The following PIK3AP1 variants were observed in gnomAD, a reference collection of about 807,000 sequenced individuals.
PIK3AP1 encodes the protein phosphoinositide-3-kinase adaptor protein 1.
A neutral mutation model predicts 88.1 loss-of-function variants in PIK3AP1; 21 were observed. The observed-to-expected ratio is 0.24, with a 90% CI of 0.17 to 0.34. The LOEUF is 0.34. Ranked by LOEUF, PIK3AP1 falls within the 10% of genes least tolerant of loss-of-function variation. PIK3AP1 has a pLI of 1.00. For missense variants in PIK3AP1, 828 were observed against 1,035.7 expected (o/e 0.80, Z 2.75); for synonymous variants, 398 against 400.0 (o/e 1.00, Z 0.06).
chr10:96,655,969 C>T lies in PIK3AP1; in HGVS notation c.567+829G>A, dbSNP rs181038269. On this transcript the variant is annotated intron_variant, in intron 3 of 16. Coordinates refer to ENST00000339364, the MANE Select transcript of PIK3AP1 (RefSeq NM_152309.3). ...CCCAAAGAAACAGTTGGCAACCCCA[C>T]GTAGGAAGTGCTTGCCCAATGCCTC... Among the ~76,000 whole-genome samples the T allele has an allele frequency of 4.5e-4, 69 of 152,320 alleles. No individual in the cohort carries two copies. In the East Asian group the frequency reaches 9.4e-3, roughly 21 times the overall value.
intron 2 of PIK3AP1, among the ~76,000 whole-genome samples, chr10:96,674,747 T>C (rs594000): frequency 0.011 from 1,683 of 152,370 alleles, 34 homozygotes; most frequent in African/African-American, 0.039. Flanking sequence ...GTGTGGAATC[T>C]GGAGAGAAAC....
intron 1 of PIK3AP1, among the ~76,000 whole-genome samples, chr10:96,711,739 A>AATTTTTTTTTTTTTTT (rs1844439120): frequency 4.5e-5 from 3 of 66,426 alleles, no homozygotes; most frequent in African/African-American, 2.1e-4. Context: ...AGATTACCAA[A>AATTTTTTTTTTTTTTT]TTTTTTTTTT....
At chr10:96,667,981 A>G (rs187764334) in intron 2 of PIK3AP1, among the ~76,000 whole-genome samples, 1 of 152,342 alleles carries the variant, frequency 6.6e-6, no homozygotes, top group African/African-American at 2.4e-5. Flanking sequence ...TTCTATCTAT[A>G]TCAAGAGATA....
intron 2 of PIK3AP1, 48 bp from the exon 3 acceptor site, chr10:96,656,982 T>C (rs767821086): frequency 3.1e-6 from 5 of 1,602,230 alleles, no homozygotes; most frequent in Non-Finnish European, 4.3e-6. Flanking sequence ...GAAGGAGAAC[T>C]GTGGACATGT....
At chr10:96,681,577 T>C (rs1336831965) in intron 2 of PIK3AP1, among the ~76,000 whole-genome samples, 1 of 152,208 alleles carries the variant, frequency 6.6e-6, no homozygotes, top group Non-Finnish European at 1.5e-5. Context: ...AGAAAGATCA[T>C]TCTGGAAACT....
intron 1 of PIK3AP1, among the ~76,000 whole-genome samples, chr10:96,719,628 T>C (rs1196617018): frequency 6.6e-6 from 1 of 152,160 alleles, no homozygotes; most frequent in Non-Finnish European, 1.5e-5. Context: ...TCATTAATTG[T>C]CTCCGTTATC....
intron 16 of PIK3AP1, among the ~76,000 whole-genome samples, chr10:96,600,002 C>T (rs367810124): frequency 1.6e-4 from 24 of 152,096 alleles, no homozygotes; most frequent in African/African-American, 4.6e-4. Flanking sequence ...AAAATCCCAC[C>T]GAAACCTTGT....
chr10:96,655,488 G>C (rs1462888222), intron 3 of PIK3AP1, among the ~76,000 whole-genome samples: 2 of 152,148 alleles, frequency 1.3e-5, no homozygotes, highest in Non-Finnish European at 2.9e-5. Context: ...GCCTGGATGA[G>C]AGAGACAGAC....
At chr10:96,646,725 T>C (rs1035806605) in intron 7 of PIK3AP1, among the ~76,000 whole-genome samples, 1 of 152,120 alleles carries the variant, frequency 6.6e-6, no homozygotes, top group East Asian at 1.9e-4. Context: ...AAAGGAGAGA[T>C]GATCTTGGAT....
chr10:96,675,612 A>G (rs1242205335), intron 2 of PIK3AP1, among the ~76,000 whole-genome samples: 1 of 152,326 alleles, frequency 6.6e-6, no homozygotes, highest in African/African-American at 2.4e-5. Flanking sequence ...TTTAGGGTCC[A>G]TGTAAATGAA....
At chr10:96,626,599 T>G in intron 10 of PIK3AP1, 109 bp downstream of exon 10, 1 of 1,212,558 alleles carries the variant, frequency 8.2e-7, no homozygotes, top group Non-Finnish European at 1.1e-6. Context: ...TGAAGACCAT[T>G]TAGAAGGGGA....
chr10:96,716,923 G>A (rs866515956), intron 1 of PIK3AP1, among the ~76,000 whole-genome samples: 30 of 152,218 alleles, frequency 2.0e-4, no homozygotes, highest in African/African-American at 7.2e-4. Flanking sequence ...GAGTCCATGG[G>A]GTGAAAAGCT....
At chr10:96,713,869 T>G (rs1252216911) in intron 1 of PIK3AP1, among the ~76,000 whole-genome samples, 1 of 152,042 alleles carries the variant, frequency 6.6e-6, no homozygotes, top group Non-Finnish European at 1.5e-5. Flanking sequence ...ATACTTGCTG[T>G]TCATTACAGA....
At chr10:96,626,954 G>C in intron 9 of PIK3AP1, 49 bp from the exon 10 acceptor site, 1 of 1,518,688 alleles carries the variant, frequency 6.6e-7, no homozygotes. Context: ...AACAAACTGG[G>C]TGATCATCAG....
At chr10:96,701,507 C>T (rs1026293892) in intron 2 of PIK3AP1, among the ~76,000 whole-genome samples, 8 of 152,190 alleles carry the variant, frequency 5.3e-5, no homozygotes, top group Non-Finnish European at 1.0e-4. Flanking sequence ...ACACCTGATG[C>T]ATTACACAGG....
chr10:96,666,751 C>G (rs1238166092), intron 2 of PIK3AP1, among the ~76,000 whole-genome samples: 1 of 151,912 alleles, frequency 6.6e-6, no homozygotes, highest in East Asian at 1.9e-4. Flanking sequence ...CTCAGAACAA[C>G]CCTGTAAAAT....
chr10:96,654,579 A>G (rs935768888), intron 3 of PIK3AP1, among the ~76,000 whole-genome samples: 3 of 152,128 alleles, frequency 2.0e-5, no homozygotes, highest in Non-Finnish European at 4.4e-5. Flanking sequence ...TGAGGAGCCA[A>G]TGAGAATGTG....
At chr10:96,667,465 A>G (rs1843779971) in intron 2 of PIK3AP1, among the ~76,000 whole-genome samples, 1 of 152,218 alleles carries the variant, frequency 6.6e-6, no homozygotes, top group Admixed American at 6.5e-5. Context: ...AAATGATTTC[A>G]TTTTATCACA....
At chr10:96,624,970 T>C (rs1311753949) in intron 10 of PIK3AP1, among the ~76,000 whole-genome samples, 1 of 152,134 alleles carries the variant, frequency 6.6e-6, no homozygotes, top group Non-Finnish European at 1.5e-5. Context: ...TTAGATTGAG[T>C]TCCCTCAGAA....
Sources: allele counts gnomAD v4.1 joint callset (sites outside exome capture counted in the v4.1 genomes callset), GRCh38; gene constraint gnomAD v4.1.1; transcripts MANE v1.5; gene names NCBI Gene and HGNC (gene_info 2026-07-23, HGNC 2026-07-21).